Variants in DERA observed in about 807,000 individuals in gnomAD.
DERA encodes 2-deoxy-D-ribose 5-phosphate aldolase.
DERA carries 15 observed loss-of-function variants against 41.1 expected under a neutral mutation model. The observed-to-expected ratio is 0.37, with a 90% CI of 0.24 to 0.56. The LOEUF (loss-of-function observed/expected upper bound fraction) is 0.56. DERA is among the 20% of genes least tolerant of loss of function. DERA has a pLI of 0.81. For missense variants in DERA, 396 were observed against 403.4 expected (o/e 0.98, Z 0.16); for synonymous variants, 139 against 137.4 (o/e 1.01, Z -0.08).
rs1948993109 is a variant in DERA, at chr12:16,017,783, C to T, written c.638-14759C>T. On this transcript the variant is annotated intron_variant, in intron 6 of 8. Transcript: ENST00000428559. The surrounding 1 kb of genome is among the most constrained non-coding windows in gnomAD (Gnocchi z 5.5). ...TTACCATACGAAACTCTCTTTCTAA[C>T]TTTAATCGGTAATTTCTCAGCAATA... 6.6e-6 allele frequency among the ~76,000 whole-genome samples: 1 copy of T among 152,172 alleles called. No homozygotes were observed. The highest frequency in any genetic ancestry group is 2.4e-5 in the African/African-American group (1 of 41,446).
rs931021194 is a variant in DERA at position 15,994,062 on chromosome 12, T to C, written c.637+11626T>C. On this transcript the variant is annotated intron_variant, in intron 6 of 8. Transcript: ENST00000428559. This position sits in a 1 kb window ranked among gnomAD's most constrained non-coding sequence, Gnocchi z 4.8. Reference sequence around the variant, plus strand: ...TGTGTAAAATTTTATTGTCTGAAATTGTGAAAAATGTAGCCCAACATATTC... The same window carrying C: ...TGTGTAAAATTTTATTGTCTGAAATCGTGAAAAATGTAGCCCAACATATTC... 2.0e-5 allele frequency among the ~76,000 whole-genome samples: 3 copies of C among 152,232 alleles called. No homozygotes were observed. Among genetic ancestry groups the C allele is most frequent in the African/African-American group, 7.2e-5 (3 of 41,472 alleles).
At chr12:15,949,546 A>G (rs939369327) in intron 1 of DERA, among the ~76,000 whole-genome samples, 40 of 152,164 alleles carry the variant, frequency 2.6e-4, no homozygotes, top group African/African-American at 9.4e-4. Flanking sequence ...AGACGATTCG[A>G]AAAGCACAGT....
intron 5 of DERA, among the ~76,000 whole-genome samples, chr12:15,964,247 G>A (rs555586097): frequency 3.9e-5 from 6 of 152,148 alleles, no homozygotes; most frequent in South Asian, 2.1e-4. Flanking sequence ...ACCTTTGCCC[G>A]TTGGCCTGAG....
At chr12:16,032,176 C>G (rs1002186173) in intron 6 of DERA, among the ~76,000 whole-genome samples, 13 of 152,134 alleles carry the variant, frequency 8.5e-5, no homozygotes, top group African/African-American at 2.7e-4. Flanking sequence ...AGTAGGCACT[C>G]CTGTTTTGTA....
At chr12:15,947,852 G>T (rs921380959) in intron 1 of DERA, among the ~76,000 whole-genome samples, 5 of 152,198 alleles carry the variant, frequency 3.3e-5, no homozygotes, top group Admixed American at 6.5e-5. Context: ...GGTACCGGTT[G>T]TTCCTTTCCA....
At position 15,983,271 on chromosome 12, in the gene DERA, G is replaced by A. The variant is rs1948744373; in HGVS notation, c.637+835G>A. 6.6e-6 allele frequency among the ~76,000 whole-genome samples: 1 copy of A among 152,070 alleles called. No individual in the cohort carries two copies. The highest frequency in any genetic ancestry group is 1.5e-5 in the Non-Finnish European group (1 of 68,016). On this transcript the variant is annotated intron_variant, in intron 6 of 8. Transcript: ENST00000428559. This position sits in a 1 kb window ranked among gnomAD's most constrained non-coding sequence, Gnocchi z 6.2. ...TTTCCCTTCATCTTTATGGTAAAGT[G>A]TACATTCCTTGATTCTTATTTTAAA...
In DERA at chr12:15,943,705, T is replaced by TTTTATTTATTTATTTA. The variant is rs369885387; in HGVS notation, c.32-13211_32-13196dup. 6.5e-4 allele frequency among the ~76,000 whole-genome samples: 94 copies of TTTTATTTATTTATTTA among 144,186 alleles called. No individual in the cohort carries two copies. The highest frequency in any genetic ancestry group is 1.6e-3 in the African/African-American group (63 of 39,372). 94.6% of individuals were successfully genotyped at this position (144,186 alleles called of 152,430 possible). ...TGTTTCTTCTTTTTTATTTTTTAATTTTTATTTATTTATTTATTTATTTAT... is the reference window on the plus strand; with the variant it reads ...TGTTTCTTCTTTTTTATTTTTTAATTTTTATTTATTTATTTATTTATTTATTTATTTATTTATTTAT... On this transcript the variant is annotated intron_variant, in intron 1 of 8. Transcript: ENST00000428559. This position sits in a 1 kb window ranked among gnomAD's most constrained non-coding sequence, Gnocchi z 4.5.
chr12:16,034,757 TAA>T (rs34073112), intron 7 of DERA, among the ~76,000 whole-genome samples: 5 of 147,140 alleles, frequency 3.4e-5, no homozygotes, highest in Middle Eastern at 3.5e-3. Context: ...ATATTCTCTT[TAA>T]AAAAAAAAAA....
At chr12:16,033,556 T>G (rs1176149325) in intron 7 of DERA, among the ~76,000 whole-genome samples, 1 of 151,122 alleles carries the variant, frequency 6.6e-6, no homozygotes, top group East Asian at 1.9e-4. Context: ...AAGGATTTTT[T>G]TTTTTACATG....
intron 5 of DERA, among the ~76,000 whole-genome samples, chr12:15,973,428 A>ATAATAGCCTATCAAATTATTATTTTTC (rs138148780): frequency 1.3e-5 from 2 of 151,670 alleles, no homozygotes; most frequent in East Asian, 1.9e-4. Flanking sequence ...GGCATCTTTG[A>ATAATAGCCTATCAAATTATTATTTTTC]TAATATATGG....
At chr12:15,930,729 A>G (rs1948321307) in intron 1 of DERA, among the ~76,000 whole-genome samples, 1 of 152,202 alleles carries the variant, frequency 6.6e-6, no homozygotes, top group African/African-American at 2.4e-5. Context: ...GTATGAACTC[A>G]CAAACTTCAG....
At chr12:15,958,541 G>A (rs1948559140) in intron 3 of DERA, among the ~76,000 whole-genome samples, 1 of 138,072 alleles carries the variant, frequency 7.2e-6, no homozygotes, top group South Asian at 2.4e-4. Context: ...TTTGAGGTCA[G>A]TTCTTTCCAT....
Position 15,998,562 on chromosome 12 carries a change from C to CT in DERA, c.637+16127dup, listed in dbSNP as rs528380443. On this transcript the variant is annotated intron_variant, in intron 6 of 8. Coordinates refer to ENST00000428559, the MANE Select transcript of DERA (RefSeq NM_015954.4). This position sits in a 1 kb window ranked among gnomAD's most constrained non-coding sequence, Gnocchi z 4.8. ...GAACTCCTGACCTCAGGTGATCCGC[C>CT]TGCCTCAGCCTCCCAATGTGCTGGA... 3.8e-4 allele frequency among the ~76,000 whole-genome samples: 58 copies of CT among 152,254 alleles called. 1 individual carries two copies. In the South Asian group the frequency reaches 0.012, roughly 30 times the overall value.
intron 1 of DERA, among the ~76,000 whole-genome samples, chr12:15,934,168 G>A (rs1348398525): frequency 1.6e-4 from 25 of 152,096 alleles, no homozygotes; most frequent in Non-Finnish European, 1.5e-5. Context: ...CCTTTTTCCA[G>A]GTCAAGGCTG....
At chr12:16,016,790 T>A (rs1948985077) in intron 6 of DERA, among the ~76,000 whole-genome samples, 3 of 14,400 alleles carry the variant, frequency 2.1e-4, no homozygotes, top group African/African-American at 7.8e-4. Context: ...AGACCCTGTC[T>A]CAAAAAAAAA....
intron 1 of DERA, chr12:15,956,716 CT>C: frequency 1.7e-6 from 1 of 604,422 alleles, no homozygotes; most frequent in Non-Finnish European, 3.1e-6. Flanking sequence ...TGGTTTTTGC[CT>C]TTGAAAGTAA....
At position 16,020,036 on chromosome 12, in the gene DERA, T is replaced by G. The variant is rs183366882; in HGVS notation, c.638-12506T>G. On this transcript the variant is annotated intron_variant, in intron 6 of 8. Coordinates refer to ENST00000428559, the MANE Select transcript of DERA (RefSeq NM_015954.4). The surrounding 1 kb of genome is among the most constrained non-coding windows in gnomAD (Gnocchi z 5.5). ...TCACTCCCACTCTCGCCATCTGACATGCCTGCTCTCTTTGCTTTCTGCTGT... is the reference window on the plus strand; with the variant it reads ...TCACTCCCACTCTCGCCATCTGACAGGCCTGCTCTCTTTGCTTTCTGCTGT... 3.9e-5 allele frequency among the ~76,000 whole-genome samples: 6 copies of G among 152,300 alleles called. No individual in the cohort carries two copies. Among genetic ancestry groups the G allele is most frequent in the Non-Finnish European group, 8.8e-5 (6 of 68,006 alleles).
intron 3 of DERA, among the ~76,000 whole-genome samples, chr12:15,958,652 C>A (rs1419892907): frequency 6.6e-6 from 1 of 151,460 alleles, no homozygotes; most frequent in African/African-American, 2.4e-5. Context: ...CTTTCTGATT[C>A]CCTAGCCATA....
rs1231265303 is a variant in DERA at position 16,012,617 on chromosome 12, T to TTA, written c.638-19923_638-19922dup. On this transcript the variant is annotated intron_variant, in intron 6 of 8. Coordinates refer to ENST00000428559, the MANE Select transcript of DERA (RefSeq NM_015954.4). This position sits in a 1 kb window ranked among gnomAD's most constrained non-coding sequence, Gnocchi z 4.1. ...TCAAGTGCTGTCACAGGGGATCTTCTTATTCTATTCTACCTCTAGGCAGAA... is the reference window on the plus strand; with the variant it reads ...TCAAGTGCTGTCACAGGGGATCTTCTTATATTCTATTCTACCTCTAGGCAGAA... 2.0e-5 allele frequency among the ~76,000 whole-genome samples: 3 copies of TTA among 152,216 alleles called. No individual in the cohort carries two copies. In the East Asian group the frequency reaches 5.8e-4, roughly 29 times the overall value.
Sources: gnomAD v4.1 joint callset for allele counts (sites outside exome capture counted in the v4.1 genomes callset) on GRCh38, gnomAD v4.1.1 for gene constraint, Gnocchi (gnomAD v3.1) non-coding constraint, MANE v1.5 for transcripts, NCBI Gene and HGNC (gene_info 2026-07-23, HGNC 2026-07-21) for gene names.